Variants in AFG3L2 observed in about 807,000 individuals in gnomAD.
The protein encoded by AFG3L2 is AFG3 like matrix AAA peptidase subunit 2, also known as mitochondrial inner membrane m-AAA protease component AFG3L2.
Under a neutral mutation model 94.5 loss-of-function variants are expected in AFG3L2, and 54 were observed. The ratio of observed to expected loss-of-function variants is 0.57; its 90% confidence interval spans 0.46 to 0.72. The LOEUF (loss-of-function observed/expected upper bound fraction) is 0.72, where lower values mean the gene tolerates loss of function less well. Ranked by LOEUF, AFG3L2 falls within the 30% of genes least tolerant of loss-of-function variation. The pLI, the probability that AFG3L2 is intolerant of heterozygous loss-of-function variation, is 0.00. For synonymous variants in AFG3L2, 377 were observed against 365.5 expected (o/e 1.03, Z -0.36); for missense variants, 754 against 994.9 (o/e 0.76, Z 3.26).
At chr18:12,361,594 C>T (rs1228671615) in intron 6 of AFG3L2, among the ~76,000 whole-genome samples, 1 of 152,174 alleles carries the variant, frequency 6.6e-6, no homozygotes, top group Non-Finnish European at 1.5e-5. Context: ...TTGCAGTGAG[C>T]CAAGATCGCG....
intron 16 of AFG3L2, among the ~76,000 whole-genome samples, chr18:12,331,528 C>T (rs1208984069): frequency 1.3e-5 from 2 of 152,128 alleles, no homozygotes; most frequent in East Asian, 1.9e-4. Flanking sequence ...TATGGCCACG[C>T]GCAATGGCTC....
intron 16 of AFG3L2, 35 bp from the exon 17 acceptor site, chr18:12,329,818 C>A: frequency 2.6e-6 from 4 of 1,548,470 alleles, no homozygotes; most frequent in Non-Finnish European, 3.6e-6. Flanking sequence ...AATACAGTTA[C>A]TCAGCAAAGT....
Position 12,329,533 on chromosome 18 carries a change from T to A in AFG3L2, c.*32A>T. 1 of 1,600,168 alleles carries A rather than the reference T, an allele frequency of 6.2e-7. No homozygotes were observed. The highest frequency in any genetic ancestry group is 8.6e-7 in the Non-Finnish European group (1 of 1,168,386). ...AATAATGCACCAGCTGAAACCACAG[T>A]GGACAGACTGAGATGGCCTCCCTCT... On this transcript the variant is annotated 3_prime_UTR_variant, in exon 17 of 17. Transcript: ENST00000269143.
At chr18:12,363,732 T>G (rs1304486971) in intron 6 of AFG3L2, 50 bp downstream of exon 6, 1 of 1,486,960 alleles carries the variant, frequency 6.7e-7, no homozygotes, top group African/African-American at 1.4e-5. Flanking sequence ...GCTTTAAATC[T>G]GAAAAAGTTA....
chr18:12,334,692 C>T (rs913008493), intron 16 of AFG3L2, among the ~76,000 whole-genome samples: 2 of 152,190 alleles, frequency 1.3e-5, no homozygotes, highest in East Asian at 1.9e-4. Flanking sequence ...GCAGGCACCA[C>T]CTGAGGAGTG....
intron 8 of AFG3L2, 148 bp from the exon 9 acceptor site, chr18:12,356,979 A>G (rs1200603668): frequency 1.3e-6 from 1 of 797,840 alleles, no homozygotes; most frequent in African/African-American, 1.7e-5. Context: ...ATGGTAGAAC[A>G]TTTTTATATT....
chr18:12,371,460 G>C, intron 2 of AFG3L2, 132 bp downstream of exon 2: 3 of 743,392 alleles, frequency 4.0e-6, no homozygotes. Flanking sequence ...CTACAAATGT[G>C]TTACATTTGA....
At chr18:12,349,834 G>A (rs1458642203) in intron 12 of AFG3L2, among the ~76,000 whole-genome samples, 2 of 151,804 alleles carry the variant, frequency 1.3e-5, no homozygotes, top group Non-Finnish European at 2.9e-5. Context: ...GGCAATTTTT[G>A]TATTTTTAGT....
At chr18:12,353,360 C>T (rs1421936906) in intron 9 of AFG3L2, among the ~76,000 whole-genome samples, 2 of 151,700 alleles carry the variant, frequency 1.3e-5, no homozygotes, top group Non-Finnish European at 1.5e-5. Flanking sequence ...ACTAAAAATA[C>T]AAAATTAGGC....
chr18:12,372,223 G>A (rs1256872150), intron 1 of AFG3L2, among the ~76,000 whole-genome samples: 1 of 152,188 alleles, frequency 6.6e-6, no homozygotes, highest in Non-Finnish European at 1.5e-5. Context: ...AGTACTGCTT[G>A]AACCCAGGCA....
intron 8 of AFG3L2, among the ~76,000 whole-genome samples, chr18:12,357,155 G>A (rs1908521995): frequency 6.6e-6 from 1 of 152,062 alleles, no homozygotes; most frequent in South Asian, 2.1e-4. Flanking sequence ...ATCTGCTAAG[G>A]TTTACTTAAA....
At chr18:12,366,384 G>A (rs1014168281) in intron 5 of AFG3L2, among the ~76,000 whole-genome samples, 1 of 152,178 alleles carries the variant, frequency 6.6e-6, no homozygotes, top group African/African-American at 2.4e-5. Context: ...GGTGAATATA[G>A]TCACACATGG....
chr18:12,347,121 T>C lies in AFG3L2; in HGVS notation c.1663+1152A>G, dbSNP rs541905035. On this transcript the variant is annotated intron_variant, in intron 13 of 16. Coordinates refer to ENST00000269143, the MANE Select transcript of AFG3L2 (RefSeq NM_006796.3). ...CAGCCTGGGTGACAGAATGAGACTCTGTCTCAAAAAACAAAAAAACAAAAC... is the reference window on the plus strand; with the variant it reads ...CAGCCTGGGTGACAGAATGAGACTCCGTCTCAAAAAACAAAAAAACAAAAC... 7.9e-5 allele frequency among the ~76,000 whole-genome samples: 12 copies of C among 152,246 alleles called. No homozygotes were observed. In the East Asian group the frequency reaches 2.3e-3, roughly 29 times the overall value.
chr18:12,335,539 C>G (rs570645422), intron 16 of AFG3L2, among the ~76,000 whole-genome samples: 43 of 152,318 alleles, frequency 2.8e-4, no homozygotes, highest in African/African-American at 1.0e-3. Context: ...TCCCCTGTAA[C>G]TGGTGTTTCT....
intron 10 of AFG3L2, 129 bp from the exon 11 acceptor site, chr18:12,351,542 G>A (rs1002246616): frequency 1.4e-6 from 1 of 723,790 alleles, no homozygotes; most frequent in Admixed American, 2.5e-5. Context: ...ATTATCTAGT[G>A]TTTTTTGTTT....
chr18:12,345,412 G>A (rs543980475), intron 13 of AFG3L2, among the ~76,000 whole-genome samples: 1 of 152,238 alleles, frequency 6.6e-6, no homozygotes, highest in African/African-American at 2.4e-5. Flanking sequence ...CATGTTCATG[G>A]TAATCCACCT....
intron 10 of AFG3L2, among the ~76,000 whole-genome samples, chr18:12,351,721 A>AT (rs2143167040): frequency 6.6e-6 from 1 of 151,856 alleles, no homozygotes; most frequent in South Asian, 2.1e-4. Context: ...TAATTTTTGT[A>AT]TTTTTAGTAG....
chr18:12,372,836 A>G (rs552163912), intron 1 of AFG3L2, among the ~76,000 whole-genome samples: 2 of 152,350 alleles, frequency 1.3e-5, no homozygotes, highest in African/African-American at 4.8e-5. Context: ...AGGCAAATCC[A>G]TAGAGAGATA....
At chr18:12,330,639 G>A (rs1472174603) in intron 16 of AFG3L2, among the ~76,000 whole-genome samples, 1 of 151,912 alleles carries the variant, frequency 6.6e-6, no homozygotes, top group South Asian at 2.1e-4. Context: ...TTAGCCAGGC[G>A]CAGTGGTGGG....
Sources: gnomAD v4.1 joint callset for allele counts (sites outside exome capture counted in the v4.1 genomes callset) on GRCh38, gnomAD v4.1.1 for gene constraint, MANE v1.5 for transcripts, NCBI Gene and HGNC (gene_info 2026-07-23, HGNC 2026-07-21) for gene names.